The following CACNA2D3 variants were observed in gnomAD, a reference collection of about 807,000 sequenced individuals.
The protein encoded by CACNA2D3 is voltage-dependent calcium channel subunit alpha-2/delta-3.
CACNA2D3 carries 60 observed loss-of-function variants against 160.6 expected under a neutral mutation model. The observed-to-expected ratio is 0.37, with a 90% confidence interval of 0.30 to 0.46. CACNA2D3 has a LOEUF of 0.46. Ranked by LOEUF, CACNA2D3 falls within the 20% of genes least tolerant of loss-of-function variation. The pLI, the probability that CACNA2D3 is intolerant of heterozygous loss-of-function variation, is 1.00. For synonymous variants in CACNA2D3, 558 were observed against 492.9 expected (o/e 1.13, Z -1.75); for missense variants, 1,205 against 1,365.0 (o/e 0.88, Z 1.85).
chr3:55,055,837 A>G (rs1402804696), intron 35 of CACNA2D3, among the ~76,000 whole-genome samples: 2 of 152,042 alleles, frequency 1.3e-5, no homozygotes, highest in African/African-American at 4.8e-5. Context: ...TCTTTTTTGA[A>G]TAGTTCAGTG....
intron 9 of CACNA2D3, among the ~76,000 whole-genome samples, chr3:54,587,575 AT>A (rs947492763): frequency 7.9e-5 from 12 of 152,206 alleles, no homozygotes; most frequent in Non-Finnish European, 1.5e-4. Context: ...AGTTAAAAAA[AT>A]TTAAAAAAAT....
At chr3:54,195,596 G>A (rs1205423217) in intron 2 of CACNA2D3, among the ~76,000 whole-genome samples, 1 of 152,228 alleles carries the variant, frequency 6.6e-6, no homozygotes, top group African/African-American at 2.4e-5. Context: ...GTACAAGGAG[G>A]TTGAGTAAGG....
intron 4 of CACNA2D3, among the ~76,000 whole-genome samples, chr3:54,393,055 A>AACAGAAGCCCTGTAGACC (rs1385835654): frequency 6.6e-6 from 1 of 152,184 alleles, no homozygotes; most frequent in Non-Finnish European, 1.5e-5. Flanking sequence ...TCAAAGGAGT[A>AACAGAAGCCCTGTAGACC]ACAGAAGCCC....
intron 4 of CACNA2D3, among the ~76,000 whole-genome samples, chr3:54,390,347 A>G (rs908361867): frequency 6.6e-6 from 1 of 152,144 alleles, no homozygotes; most frequent in Non-Finnish European, 1.5e-5. Flanking sequence ...GGGTGCTGTG[A>G]TTGTGAATGC....
chr3:54,620,627 A>G (rs1698963707), intron 9 of CACNA2D3, among the ~76,000 whole-genome samples: 1 of 152,182 alleles, frequency 6.6e-6, no homozygotes, highest in African/African-American at 2.4e-5. Context: ...GCCACTGCAT[A>G]TGTCACATCC....
intron 11 of CACNA2D3, among the ~76,000 whole-genome samples, chr3:54,652,903 C>T (rs1699801808): frequency 6.6e-6 from 1 of 151,648 alleles, no homozygotes; most frequent in East Asian, 1.9e-4. Context: ...CTGTCTCAGC[C>T]TCCCAAGTAG....
intron 4 of CACNA2D3, among the ~76,000 whole-genome samples, chr3:54,500,151 A>T (rs1282340616): frequency 6.6e-6 from 1 of 152,108 alleles, no homozygotes; most frequent in African/African-American, 2.4e-5. Flanking sequence ...ATGCCTGCCT[A>T]TCTTATTCCT....
chr3:54,469,840 G>T (rs1350617591), intron 4 of CACNA2D3, among the ~76,000 whole-genome samples: 1 of 151,910 alleles, frequency 6.6e-6, no homozygotes, highest in Non-Finnish European at 1.5e-5. Flanking sequence ...AGAGATTGAA[G>T]ATCAACTTAA....
intron 13 of CACNA2D3, among the ~76,000 whole-genome samples, chr3:54,812,894 A>G (rs534237036): frequency 3.3e-5 from 5 of 152,366 alleles, no homozygotes; most frequent in South Asian, 2.1e-4. Context: ...GAGATTCACT[A>G]CAAAAAGCAA....
intron 2 of CACNA2D3, among the ~76,000 whole-genome samples, chr3:54,269,062 T>C (rs1559902463): frequency 6.6e-6 from 1 of 152,126 alleles, no homozygotes; most frequent in Non-Finnish European, 1.5e-5. Flanking sequence ...GTTTGGTTCT[T>C]TGCTTTTGGG....
At chr3:54,637,153 T>A (rs1679835309) in intron 10 of CACNA2D3, among the ~76,000 whole-genome samples, 1 of 151,888 alleles carries the variant, frequency 6.6e-6, no homozygotes, top group Non-Finnish European at 1.5e-5. Context: ...AAGGGGAGTT[T>A]ATAGGCTTTA....
intron 10 of CACNA2D3, among the ~76,000 whole-genome samples, chr3:54,635,687 G>A (rs912892961): frequency 6.6e-6 from 1 of 151,850 alleles, no homozygotes; most frequent in African/African-American, 2.4e-5. Flanking sequence ...GCTTGGTGAG[G>A]TGTGTTTTTA....
chr3:55,008,888 T>TACACACACACACACACACACAC (rs4024588), intron 33 of CACNA2D3, among the ~76,000 whole-genome samples: 2,664 of 142,874 alleles, frequency 0.019, 42 homozygotes, highest in Admixed American at 0.032. Context: ...CCTCCCTCTA[T>TACACACACACACACACACACAC]ACACACACAC....
intron 6 of CACNA2D3, among the ~76,000 whole-genome samples, chr3:54,568,496 A>C (rs770384820): frequency 1.3e-5 from 2 of 152,240 alleles, no homozygotes. Context: ...GTGGAATTAT[A>C]AATTGGAGCA....
intron 14 of CACNA2D3, among the ~76,000 whole-genome samples, chr3:54,823,662 G>A (rs1703688865): frequency 6.6e-6 from 1 of 152,048 alleles, no homozygotes. Context: ...TAGTTCAAAA[G>A]GATATTTAAT....
chr3:54,807,729 C>T (rs1703170490), intron 13 of CACNA2D3, among the ~76,000 whole-genome samples: 1 of 152,040 alleles, frequency 6.6e-6, no homozygotes, highest in African/African-American at 2.4e-5. Context: ...GACTATAAAT[C>T]ATGCTGCTAT....
chr3:54,606,558 G>A (rs1157861447), intron 9 of CACNA2D3, among the ~76,000 whole-genome samples: 1 of 152,158 alleles, frequency 6.6e-6, no homozygotes, highest in Admixed American at 6.5e-5. Context: ...GATGATGCTA[G>A]GATTTGGGGT....
chr3:54,494,773 A>C (rs1306025691), intron 4 of CACNA2D3, among the ~76,000 whole-genome samples: 1 of 152,166 alleles, frequency 6.6e-6, no homozygotes, highest in Non-Finnish European at 1.5e-5. Flanking sequence ...GGCCTCAGGA[A>C]ACTTACAATC....
intron 3 of CACNA2D3, among the ~76,000 whole-genome samples, chr3:54,343,677 A>T (rs761582505): frequency 1.2e-4 from 18 of 152,242 alleles, no homozygotes; most frequent in Non-Finnish European, 1.9e-4. Context: ...TCAAAGTGCT[A>T]GGATTACAGG....
Sources: gnomAD v4.1 joint callset for allele counts (sites outside exome capture counted in the v4.1 genomes callset) on GRCh38, gnomAD v4.1.1 for gene constraint, MANE v1.5 for transcripts, NCBI Gene and HGNC (gene_info 2026-07-23, HGNC 2026-07-21) for gene names.